Variants in TAF12 observed in about 807,000 individuals in gnomAD.
TAF12 encodes TATA-box binding protein associated factor 12.
A neutral mutation model predicts 20.8 loss-of-function variants in TAF12; 3 were observed. That is an observed-to-expected ratio of 0.14 (90% CI 0.07 to 0.37). The LOEUF (loss-of-function observed/expected upper bound fraction) is 0.37. TAF12 is among the 10% of genes least tolerant of loss of function. The pLI is 1.00. For missense variants in TAF12, 131 were observed against 197.9 expected (o/e 0.66, Z 2.03); for synonymous variants, 69 against 70.2 (o/e 0.98, Z 0.09).
intron 1 of TAF12, among the ~76,000 whole-genome samples, chr1:28,624,608 A>G (rs978176647): frequency 1.3e-5 from 2 of 151,984 alleles, no homozygotes; most frequent in South Asian, 2.1e-4. Context: ...CTAGCCAGGC[A>G]TGGTGGCACG....
intron 1 of TAF12, chr1:28,642,718 T>G (rs1056997576): frequency 1.0e-6 from 1 of 984,986 alleles, no homozygotes; most frequent in African/African-American, 1.8e-5. Flanking sequence ...GGAGTGCGGG[T>G]CCTCATAATC....
At chr1:28,627,619 G>T (rs534468809) in intron 1 of TAF12, among the ~76,000 whole-genome samples, 1 of 146,448 alleles carries the variant, frequency 6.8e-6, no homozygotes, top group South Asian at 2.2e-4. Flanking sequence ...CGTGAACCCA[G>T]GAGGCGGAGC....
chr1:28,647,586 G>A (rs1668228423), upstream of TAF12, among the ~76,000 whole-genome samples: 1 of 152,148 alleles, frequency 6.6e-6, no homozygotes, highest in Non-Finnish European at 1.5e-5. Context: ...AAAAAAAATG[G>A]GAACAGGCCG....
At chr1:28,605,525 ACC>A in intron 4 of TAF12, 65 bp from the exon 5 acceptor site, 1 of 1,502,674 alleles carries the variant, frequency 6.7e-7, no homozygotes, top group South Asian at 1.1e-5. Context: ...GTGCAATGTG[ACC>A]CCCTTGGATC....
intron 1 of TAF12, chr1:28,642,713 G>A: frequency 4.1e-6 from 4 of 985,382 alleles, no homozygotes; most frequent in Non-Finnish European, 4.8e-6. Flanking sequence ...TCGTAGGAGT[G>A]CGGGTCCTCA....
At chr1:28,648,149 A>G in intron 1 of TAF12, 8 of 985,254 alleles carry the variant, frequency 8.1e-6, no homozygotes, top group Non-Finnish European at 9.6e-6. Context: ...GGCACAAGTT[A>G]CACATTTTCA....
intron 1 of TAF12, chr1:28,648,159 A>G (rs760715780): frequency 5.3e-5 from 52 of 985,164 alleles, no homozygotes; most frequent in Non-Finnish European, 6.1e-5. Context: ...ACACATTTTC[A>G]ATTTGGATAG....
chr1:28,645,039 C>G (rs993218647), upstream of TAF12, among the ~76,000 whole-genome samples: 2 of 143,448 alleles, frequency 1.4e-5, no homozygotes, highest in Admixed American at 7.0e-5. Context: ...GATGAATTTT[C>G]TTTTTTTTTT....
intron 4 of TAF12, among the ~76,000 whole-genome samples, chr1:28,606,829 G>A (rs1666683864): frequency 6.6e-6 from 1 of 152,188 alleles, no homozygotes; most frequent in African/African-American, 2.4e-5. Context: ...TATGACGCTG[G>A]CTCCCAGTTT....
At chr1:28,622,326 C>T (rs1262600623) in intron 1 of TAF12, among the ~76,000 whole-genome samples, 161 bp from the exon 2 acceptor site, 1 of 141,786 alleles carries the variant, frequency 7.1e-6, no homozygotes, top group Non-Finnish European at 1.5e-5. Flanking sequence ...TCAAGACCAG[C>T]TTGGGCAACA....
At chr1:28,648,251 T>C in exon 1 of TAF12, 7 of 985,334 alleles carry the variant, frequency 7.1e-6, no homozygotes, top group Non-Finnish European at 8.4e-6. Context: ...CCTTCTGTCG[T>C]GAGCAGTTGA....
At chr1:28,626,282 C>A (rs1667387916) in intron 1 of TAF12, among the ~76,000 whole-genome samples, 2 of 151,766 alleles carry the variant, frequency 1.3e-5, no homozygotes, top group African/African-American at 4.8e-5. Flanking sequence ...CCGGCCTCAG[C>A]CTAAATTTTT....
intron 2 of TAF12, among the ~76,000 whole-genome samples, chr1:28,619,000 A>G (rs1415464014): frequency 2.6e-5 from 4 of 151,846 alleles, no homozygotes; most frequent in Non-Finnish European, 5.9e-5. Flanking sequence ...GTGAGCTATG[A>G]TTGTGCCACT....
At chr1:28,630,876 T>A (rs955944836) in intron 1 of TAF12, among the ~76,000 whole-genome samples, 3 of 151,566 alleles carry the variant, frequency 2.0e-5, no homozygotes, top group Non-Finnish European at 4.4e-5. Context: ...AAACCCTGTC[T>A]CTACTAAAAA....
At chr1:28,623,154 G>A (rs187923053) in intron 1 of TAF12, among the ~76,000 whole-genome samples, 16 of 152,178 alleles carry the variant, frequency 1.1e-4, no homozygotes, top group Non-Finnish European at 1.5e-4. Context: ...GCTGCAATAA[G>A]CCATGATCAC....
rs574449437 is a variant in TAF12, at chr1:28,638,010, A to T, written c.-85+4982T>A. On this transcript the variant is annotated intron_variant, in intron 1 of 5. Coordinates refer to ENST00000373824, the MANE Select transcript of TAF12 (RefSeq NM_005644.4). The stretch of plus-strand genomic sequence containing the variant: ...TATTTTTTGTTTAATTATTATTATT[A>T]TTTTTTTGGAGATGGAGTCTCGCTC... Among the ~76,000 whole-genome samples, 222 of 151,636 alleles carry T rather than the reference A, an allele frequency of 1.5e-3. 1 individual carries two copies. Among genetic ancestry groups the T allele is most frequent in the African/African-American group, 4.8e-3 (199 of 41,354 alleles).
intron 3 of TAF12, among the ~76,000 whole-genome samples, chr1:28,616,637 G>A (rs1362172033): frequency 1.3e-5 from 2 of 151,730 alleles, no homozygotes; most frequent in Non-Finnish European, 2.9e-5. Flanking sequence ...GGGAGGCTGA[G>A]GCAGGAGAAT....
intron 1 of TAF12, among the ~76,000 whole-genome samples, chr1:28,628,237 G>GGT: frequency 2.5e-5 from 2 of 81,186 alleles, no homozygotes; most frequent in East Asian, 4.0e-4. Flanking sequence ...GTGGGGGGGG[G>GGT]GGGGGCGCCT....
intron 1 of TAF12, chr1:28,642,622 T>TA: frequency 1.0e-6 from 1 of 984,298 alleles, no homozygotes. Context: ...TTCTGCCTCT[T>TA]AGGAGCCCAA....
Sources: gnomAD v4.1 joint callset for allele counts (sites outside exome capture counted in the v4.1 genomes callset) on GRCh38, gnomAD v4.1.1 for gene constraint, MANE v1.5 for transcripts, NCBI Gene and HGNC (gene_info 2026-07-23, HGNC 2026-07-21) for gene names.